The following HAO1 variants were observed in gnomAD, a reference collection of about 807,000 sequenced individuals.
The protein encoded by HAO1 is 2-Hydroxyacid oxidase 1.
HAO1 carries 34 observed loss-of-function variants against 39.7 expected under a neutral mutation model. That is an observed-to-expected ratio of 0.86 (90% CI 0.65 to 1.14). The LOEUF is 1.14. Ranked by LOEUF, HAO1 falls within the 50% of genes most tolerant of loss-of-function variation. The probability of loss-of-function intolerance (pLI) is 0.00; values close to 1 mark genes in which losing one functional copy is unlikely to be tolerated. For missense variants in HAO1, 479 were observed against 464.5 expected (o/e 1.03, Z -0.29); for synonymous variants, 172 against 173.2 (o/e 0.99, Z 0.05).
chr20:7,910,964 A>G (rs1403883357), intron 3 of HAO1, among the ~76,000 whole-genome samples: 2 of 152,192 alleles, frequency 1.3e-5, no homozygotes, highest in Non-Finnish European at 2.9e-5. Flanking sequence ...AGACATGTAT[A>G]TCCATTCCTA....
At chr20:7,928,418 A>G (rs188096747) in intron 2 of HAO1, among the ~76,000 whole-genome samples, 6 of 152,292 alleles carry the variant, frequency 3.9e-5, no homozygotes, top group South Asian at 2.1e-4. Context: ...ATACTGAAAA[A>G]AATTGCAAAG....
At chr20:7,935,909 T>A (rs1421964774) in intron 1 of HAO1, among the ~76,000 whole-genome samples, 2 of 152,204 alleles carry the variant, frequency 1.3e-5, no homozygotes, top group Non-Finnish European at 2.9e-5. Context: ...CTAACCAGCA[T>A]TCACCTAGTA....
intron 2 of HAO1, among the ~76,000 whole-genome samples, chr20:7,924,194 GTGTTGTTGTTGT>G (rs3835201): frequency 1.3e-5 from 2 of 148,610 alleles, no homozygotes; most frequent in African/African-American, 2.5e-5. Flanking sequence ...AGTTTGGGTT[GTGTTGTTGTTGT>G]TGTTGTTGTT....
intron 4 of HAO1, among the ~76,000 whole-genome samples, chr20:7,904,019 GT>G (rs2050236329): frequency 6.6e-6 from 1 of 152,114 alleles, no homozygotes; most frequent in Non-Finnish European, 1.5e-5. Flanking sequence ...AAGGAATAAA[GT>G]TGTAGAAAAT....
At chr20:7,890,067 G>A (rs2050167087) in intron 5 of HAO1, among the ~76,000 whole-genome samples, 1 of 152,094 alleles carries the variant, frequency 6.6e-6, no homozygotes. Context: ...AGGGAACTTT[G>A]TACTTTGCGG....
intron 2 of HAO1, among the ~76,000 whole-genome samples, chr20:7,933,679 G>A (rs534021276): frequency 1.3e-5 from 2 of 152,272 alleles, no homozygotes; most frequent in African/African-American, 4.8e-5. Context: ...ATATTATATA[G>A]TCGTGTTCTT....
At chr20:7,890,372 C>G (rs2050168784) in intron 5 of HAO1, among the ~76,000 whole-genome samples, 1 of 151,950 alleles carries the variant, frequency 6.6e-6, no homozygotes, top group African/African-American at 2.4e-5. Flanking sequence ...AACCACCATG[C>G]CCGGCTAATT....
chr20:7,939,373 T>C (rs2050429785), intron 1 of HAO1, among the ~76,000 whole-genome samples: 1 of 152,210 alleles, frequency 6.6e-6, no homozygotes, highest in South Asian at 2.1e-4. Flanking sequence ...TTTCTCCTAA[T>C]TTAAATATGG....
intron 2 of HAO1, among the ~76,000 whole-genome samples, chr20:7,930,669 G>C (rs1363450946): frequency 7.9e-5 from 12 of 152,140 alleles, no homozygotes; most frequent in Non-Finnish European, 1.6e-4. Flanking sequence ...ATCCTTCCAA[G>C]GAACACTGGG....
intron 1 of HAO1, among the ~76,000 whole-genome samples, chr20:7,936,414 C>T (rs1276385392): frequency 6.6e-6 from 1 of 151,750 alleles, no homozygotes; most frequent in Non-Finnish European, 1.5e-5. Flanking sequence ...CATTGGCATG[C>T]CAGCCTTGGA....
intron 7 of HAO1, among the ~76,000 whole-genome samples, chr20:7,884,626 T>C (rs1473286740): frequency 6.6e-6 from 1 of 152,150 alleles, no homozygotes; most frequent in Non-Finnish European, 1.5e-5. Flanking sequence ...GGCTGAAACA[T>C]ATCTCACATA....
rs191377854 is a variant in HAO1, at chr20:7,897,344, T to G, written c.722-2120A>C. Among the ~76,000 whole-genome samples, 142 of 152,334 alleles carry G rather than the reference T, an allele frequency of 9.3e-4. 3 individuals are homozygous for G. The South Asian group carries it at 0.019, about 20-fold the overall frequency. ...TATCAGCATTCGGAAATTGTTGGTC[T>G]TTAATAATTTCCTCCAGGCCTCTTT... On this transcript the variant is annotated intron_variant, in intron 4 of 7. Transcript: ENST00000378789.
At chr20:7,939,660 A>G (rs2050431691) in intron 1 of HAO1, among the ~76,000 whole-genome samples, 1 of 152,224 alleles carries the variant, frequency 6.6e-6, no homozygotes, top group Non-Finnish European at 1.5e-5. Context: ...TTTTATTACA[A>G]ACAGAAAACA....
intron 4 of HAO1, among the ~76,000 whole-genome samples, chr20:7,902,550 T>C (rs2050225712): frequency 6.6e-6 from 1 of 152,200 alleles, no homozygotes; most frequent in Non-Finnish European, 1.5e-5. Context: ...TCATATGCAC[T>C]GGGAAGACAA....
chr20:7,937,473 A>G (rs1198837096), intron 1 of HAO1, among the ~76,000 whole-genome samples: 1 of 152,124 alleles, frequency 6.6e-6, no homozygotes, highest in Non-Finnish European at 1.5e-5. Flanking sequence ...TGGTAACTTC[A>G]TATCACTTCT....
intron 1 of HAO1, 145 bp downstream of exon 1, chr20:7,940,141 T>G (rs2050433996): frequency 3.5e-6 from 2 of 565,448 alleles, no homozygotes; most frequent in Non-Finnish European, 5.6e-6. Flanking sequence ...CCAAGATTTC[T>G]TACAGCCCCA....
intron 1 of HAO1, among the ~76,000 whole-genome samples, chr20:7,936,548 T>TCG (rs376229165): frequency 7.9e-5 from 4 of 50,720 alleles, no homozygotes; most frequent in East Asian, 8.3e-4. Flanking sequence ...GTGTGTGTGT[T>TCG]CGCGCGCGCG....
intron 1 of HAO1, among the ~76,000 whole-genome samples, chr20:7,939,695 T>A (rs184715814): frequency 6.6e-6 from 1 of 152,340 alleles, no homozygotes; most frequent in Non-Finnish European, 1.5e-5. Context: ...CACCATCTTG[T>A]GCTTTGAAAT....
rs541193359 is a variant in HAO1, at chr20:7,908,248, C to T, written c.546-1919G>A. Among the ~76,000 whole-genome samples the T allele has an allele frequency of 8.6e-5, 13 of 152,032 alleles. No individual in the cohort carries two copies. In the East Asian group the frequency reaches 1.2e-3, roughly 14 times the overall value. On this transcript the variant is annotated intron_variant, in intron 3 of 7. Transcript: ENST00000378789. ...CTACTAAAAATTCAAAAAAATTAGC[C>T]GGACATAGTGGTGGGCACGTGTAAT...
Sources: gnomAD v4.1 joint callset for allele counts (sites outside exome capture counted in the v4.1 genomes callset) on GRCh38, gnomAD v4.1.1 for gene constraint, MANE v1.5 for transcripts, NCBI Gene and HGNC (gene_info 2026-07-23, HGNC 2026-07-21) for gene names.